The following SLC25A48 variants were observed in gnomAD, a reference collection of about 807,000 sequenced individuals.
The protein encoded by SLC25A48 is CTC-321K16.1.
SLC25A48 carries 29 observed loss-of-function variants against 32.2 expected under a neutral mutation model. That is an observed-to-expected ratio of 0.90 (90% CI 0.67 to 1.23). SLC25A48 has a LOEUF of 1.23. Among genes scored for constraint, SLC25A48 ranks in the 50% most tolerant of loss-of-function variants. The pLI, the probability that SLC25A48 is intolerant of heterozygous loss-of-function variation, is 0.00. For synonymous variants in SLC25A48, 164 were observed against 172.3 expected, an observed-to-expected ratio of 0.95 and a Z score of 0.38; for missense variants, 399 against 422.7, an observed-to-expected ratio of 0.94 and a Z score of 0.49.
chr5:135,852,841 G>C lies in SLC25A48; in HGVS notation c.421+20G>C, dbSNP rs1760012657. ...GGGACGGTAAGAGGCCAGGGGAGCG[G>C]AGGCTGGTGTCTGGGACTTGTGGCC... On this transcript the variant is annotated intron_variant, in intron 4 of 7. Transcript: ENST00000681962. The C allele has an allele frequency of 6.3e-7, 1 of 1,591,292 alleles. No individual in the cohort carries two copies. The highest frequency in any genetic ancestry group is 8.6e-7 in the Non-Finnish European group (1 of 1,162,324).
At chr5:135,693,664 A>G (rs1378530493) in intron 3 of SLC25A48, among the ~76,000 whole-genome samples, 1 of 152,246 alleles carries the variant, frequency 6.6e-6, no homozygotes, top group Non-Finnish European at 1.5e-5. Context: ...CGTGCCAAGC[A>G]GCCACTACCA....
chr5:135,831,835 G>A (rs1260676130), upstream of SLC25A48, among the ~76,000 whole-genome samples: 1 of 152,182 alleles, frequency 6.6e-6, no homozygotes, highest in African/African-American at 2.4e-5. Flanking sequence ...AGCTCACTGG[G>A]GCAGTAGGAC....
intron 3 of SLC25A48, among the ~76,000 whole-genome samples, chr5:135,646,414 T>G (rs533717520): frequency 4.5e-4 from 68 of 152,156 alleles, no homozygotes; most frequent in Admixed American, 1.2e-3. Flanking sequence ...CTGCCTTATC[T>G]CTGTTCCTTC....
intron 1 of SLC25A48, among the ~76,000 whole-genome samples, chr5:135,835,678 T>TAA (rs35114794): frequency 0.033 from 2,289 of 70,338 alleles, 132 homozygotes; most frequent in East Asian, 0.12. Context: ...TTGCTAATTG[T>TAA]AAAAAAAAAA....
intron 3 of SLC25A48, among the ~76,000 whole-genome samples, chr5:135,668,937 A>C (rs1039334968): frequency 6.6e-6 from 1 of 152,200 alleles, no homozygotes; most frequent in Admixed American, 6.5e-5. Context: ...TGTGACTTCA[A>C]AGATGTCATA....
chr5:135,835,031 C>T (rs1758380383), intron 1 of SLC25A48, 138 bp downstream of exon 1: 9 of 1,050,238 alleles, frequency 8.6e-6, no homozygotes, highest in East Asian at 2.6e-5. Flanking sequence ...GGGGAGTGCC[C>T]GGCCCCGAGA....
intron 1 of SLC25A48, among the ~76,000 whole-genome samples, chr5:135,616,109 A>G (rs1010107602): frequency 3.3e-5 from 5 of 152,240 alleles, no homozygotes; most frequent in African/African-American, 1.2e-4. Flanking sequence ...ATGTCCAGGC[A>G]GAAGACTGTC....
chr5:135,811,870 T>G (rs796374452), intron 3 of SLC25A48, among the ~76,000 whole-genome samples: 7 of 152,196 alleles, frequency 4.6e-5, no homozygotes, highest in African/African-American at 1.7e-4. Flanking sequence ...TCACCTGAGG[T>G]CAGGAGTTTG....
chr5:135,761,387 A>G (rs1401517626), intron 3 of SLC25A48, among the ~76,000 whole-genome samples: 1 of 152,178 alleles, frequency 6.6e-6, no homozygotes, highest in Non-Finnish European at 1.5e-5. Flanking sequence ...CCAACATGGC[A>G]CATGTATACA....
intron 6 of SLC25A48, chr5:135,875,052 A>G: frequency 3.8e-6 from 1 of 266,614 alleles, no homozygotes; most frequent in Non-Finnish European, 7.0e-6. Flanking sequence ...CACTCCATTC[A>G]ATATGTAACC....
chr5:135,704,915 C>T (rs964854501), intron 3 of SLC25A48, among the ~76,000 whole-genome samples: 1 of 152,164 alleles, frequency 6.6e-6, no homozygotes, highest in Non-Finnish European at 1.5e-5. Flanking sequence ...GGTACAAATC[C>T]AGCAGTGTCT....
chr5:135,860,104 A>T (rs1760664071), intron 4 of SLC25A48, among the ~76,000 whole-genome samples: 1 of 152,220 alleles, frequency 6.6e-6, no homozygotes, highest in South Asian at 2.1e-4. Context: ...AAGTTAGCTC[A>T]GCCTAAGCCA....
intron 2 of SLC25A48, among the ~76,000 whole-genome samples, chr5:135,845,985 G>A (rs574123593): frequency 2.0e-4 from 30 of 152,302 alleles, no homozygotes; most frequent in Middle Eastern, 3.4e-3. Flanking sequence ...CTCCTATACC[G>A]TACCAGTACC....
chr5:135,742,437 G>T (rs530518978), intron 3 of SLC25A48: 2 of 1,483,522 alleles, frequency 1.3e-6, no homozygotes, highest in Non-Finnish European at 1.8e-6. Flanking sequence ...ACATCTCCCA[G>T]TGGTTCCTGA....
intron 3 of SLC25A48, among the ~76,000 whole-genome samples, chr5:135,741,513 G>T (rs1457434163): frequency 6.6e-6 from 1 of 152,128 alleles, no homozygotes; most frequent in Non-Finnish European, 1.5e-5. Context: ...CAAGGCAGGG[G>T]GATGCTTTGA....
intron 1 of SLC25A48, among the ~76,000 whole-genome samples, chr5:135,581,935 G>A (rs1026038832): frequency 1.3e-5 from 2 of 152,226 alleles, no homozygotes; most frequent in Non-Finnish European, 1.5e-5. Flanking sequence ...AGCCCAAGCC[G>A]AGGGCCTCTG....
intron 3 of SLC25A48, among the ~76,000 whole-genome samples, chr5:135,776,933 C>T (rs1402915958): frequency 1.3e-5 from 2 of 151,872 alleles, no homozygotes; most frequent in African/African-American, 4.8e-5. Context: ...GCTGCACAGG[C>T]TCCCTGTGAT....
chr5:135,749,060 T>C (rs1017902895), intron 3 of SLC25A48, among the ~76,000 whole-genome samples: 1 of 152,152 alleles, frequency 6.6e-6, no homozygotes, highest in Non-Finnish European at 1.5e-5. Context: ...TCTTCCTTCC[T>C]GATGTCCCTT....
At chr5:135,741,649 G>C (rs575582070) in intron 3 of SLC25A48, among the ~76,000 whole-genome samples, 62 of 152,260 alleles carry the variant, frequency 4.1e-4, no homozygotes, top group African/African-American at 1.5e-3. Context: ...GAGGTGGGAG[G>C]ATAGATTGAT....
Sources: allele counts gnomAD v4.1 joint callset (sites outside exome capture counted in the v4.1 genomes callset), GRCh38; gene constraint gnomAD v4.1.1; transcripts MANE v1.5; gene names NCBI Gene and HGNC (gene_info 2026-07-23, HGNC 2026-07-21).